NHS: variants seen among roughly 807,000 people sequenced by gnomAD.
The protein encoded by NHS is NHS actin remodeling regulator, also known as actin remodeling regulator NHS.
NHS carries 5 observed loss-of-function variants against 72.5 expected under a neutral mutation model. The ratio of observed to expected loss-of-function variants is 0.07; its 90% confidence interval spans 0.04 to 0.14. The LOEUF is 0.14. Among genes scored for constraint, NHS ranks in the 10% least tolerant of loss-of-function variants. The pLI is 1.00. For synonymous variants in NHS, 464 were observed against 547.7 expected (o/e 0.85, Z 2.13); for missense variants, 1,072 against 1,355.7 (o/e 0.79, Z 3.29).
chrX:17,389,601 A>G (rs181089899), intron 1 of NHS, among the ~76,000 whole-genome samples: 1 of 107,854 alleles, frequency 9.3e-6, no homozygotes, highest in East Asian at 2.9e-4. Flanking sequence ...TTATTTATTT[A>G]TTTATTTATT....
chrX:17,548,295 C>A (rs1023956107), intron 1 of NHS, among the ~76,000 whole-genome samples: 2 of 110,425 alleles, frequency 1.8e-5, no homozygotes, highest in Non-Finnish European at 3.8e-5. Flanking sequence ...ATAGATTTGA[C>A]GAATGAGTTT....
At chrX:17,703,381 G>C (rs1340042237) in intron 3 of NHS, among the ~76,000 whole-genome samples, 1 of 112,299 alleles carries the variant, frequency 8.9e-6, no homozygotes, top group Admixed American at 9.4e-5. Flanking sequence ...ATGAGTCAGA[G>C]AAAGTCCACC....
intron 1 of NHS, among the ~76,000 whole-genome samples, chrX:17,683,005 G>GGCAGCC (rs2066138919): frequency 9.0e-6 from 1 of 111,570 alleles, no homozygotes; most frequent in African/African-American, 3.3e-5. Flanking sequence ...TTTCCTTAAT[G>GGCAGCC]TCTAAGTTAG....
At position 17,665,318 on chromosome X, in the gene NHS, A is replaced by ATTTTTT. The variant is rs34661609; in HGVS notation, c.566-22401_566-22396dup. Among the ~76,000 whole-genome samples, 9 of 54,717 alleles carry ATTTTTT rather than the reference A, an allele frequency of 1.6e-4. 2 individuals are homozygous for ATTTTTT. Among genetic ancestry groups the ATTTTTT allele is most frequent in the African/African-American group, 4.3e-4 (4 of 9,396 alleles). 47.5% of individuals were successfully genotyped at this position (54,717 alleles called of 115,157 possible). A position where few individuals can be genotyped will look rare whatever the true frequency, so the allele number is the denominator to read the frequency against. On this transcript the variant is annotated intron_variant, in intron 1 of 8. Transcript: ENST00000676302. ...TCACCATTAAGTATATTACCTATAG[A>ATTTTTT]TTTTTTTTTTTTTTTTTTTTTTTTT...
chrX:17,636,966 A>G (rs944384092), intron 1 of NHS, among the ~76,000 whole-genome samples: 3 of 112,096 alleles, frequency 2.7e-5, no homozygotes, highest in African/African-American at 6.5e-5. Flanking sequence ...CAGGCCAATT[A>G]TAACAATTAA....
intron 1 of NHS, among the ~76,000 whole-genome samples, chrX:17,663,536 T>C (rs950364909): frequency 8.9e-6 from 1 of 112,291 alleles, no homozygotes; most frequent in Non-Finnish European, 1.9e-5. Context: ...TTTTGAAATT[T>C]ATCCATGCTG....
chrX:17,517,988 G>A lies in NHS; in HGVS notation c.565+141666G>A, dbSNP rs754118413. Among the ~76,000 whole-genome samples the A allele has an allele frequency of 9.0e-5, 10 of 111,299 alleles. No individual in the cohort carries two copies. In the South Asian group the frequency reaches 1.9e-3, roughly 21 times the overall value. On this transcript the variant is annotated intron_variant, in intron 1 of 8. Coordinates refer to ENST00000676302, the MANE Select transcript of NHS (RefSeq NM_001291867.2). The stretch of plus-strand genomic sequence containing the variant: ...TGGGTGATTGTATCAGTCAGGACCA[G>A]CCCAGTAACAAATGACTCCCAAATC...
At chrX:17,416,815 T>TGAGA (rs1314221565) in intron 1 of NHS, among the ~76,000 whole-genome samples, 38 of 104,126 alleles carry the variant, frequency 3.6e-4, no homozygotes, top group African/African-American at 1.3e-3. Flanking sequence ...TGTGTGTGTG[T>TGAGA]GTGTGAGAGA....
intron 1 of NHS, among the ~76,000 whole-genome samples, chrX:17,662,515 A>G (rs1197450155): frequency 8.9e-6 from 1 of 111,960 alleles, no homozygotes; most frequent in African/African-American, 3.3e-5. Context: ...TTAAGGCTAT[A>G]ATTATATTTT....
At chrX:17,632,148 GAGA>G (rs2065824127) in intron 1 of NHS, among the ~76,000 whole-genome samples, 1 of 111,894 alleles carries the variant, frequency 8.9e-6, no homozygotes, top group Non-Finnish European at 1.9e-5. Context: ...AAATTTGAAA[GAGA>G]AGGAGAATGT....
At chrX:17,687,413 C>T (rs939825524) in intron 1 of NHS, 7 of 277,698 alleles carry the variant, frequency 2.5e-5, no homozygotes, top group African/African-American at 8.2e-5. Flanking sequence ...ATCTCCACCC[C>T]CAAGCAGGCT....
At chrX:17,404,825 C>A (rs762470831) in intron 1 of NHS, among the ~76,000 whole-genome samples, 3 of 110,257 alleles carry the variant, frequency 2.7e-5, no homozygotes, top group African/African-American at 9.9e-5. Context: ...CTCTCTCTCT[C>A]TCTCTCCGTG....
chrX:17,621,277 G>A (rs756221830), intron 1 of NHS, among the ~76,000 whole-genome samples: 1 of 112,188 alleles, frequency 8.9e-6, no homozygotes, highest in Non-Finnish European at 1.9e-5. Context: ...GGTTATAGGT[G>A]TCCACCTCTG....
At chrX:17,519,965 A>G (rs1319549847) in intron 1 of NHS, among the ~76,000 whole-genome samples, 1 of 10,179 alleles carries the variant, frequency 9.8e-5, no homozygotes, top group Non-Finnish European at 2.3e-4. Context: ...CCCCACCCCC[A>G]TTTGTGCTTA....
At chrX:17,694,774 GTTATTA>G (rs759811984) in intron 3 of NHS, among the ~76,000 whole-genome samples, 1 of 111,583 alleles carries the variant, frequency 9.0e-6, no homozygotes. Flanking sequence ...AACATCAGAT[GTTATTA>G]TTATTATTAG....
chrX:17,732,089 C>G lies in NHS; in HGVS notation c.4581C>G (p.Arg1527=). ...FKLLLLKKGS[R]SDSSYRMSAT... is the part of the protein sequence containing the mutation. ...TGTTACTGCTCAAGAAAGGCAGTCG[C>G]TCAGATTCTAGTTACCGCATGTCTG... Residue 1527 remains arginine (R), a synonymous_variant, in exon 9 of 9, where the codon CGC becomes CGG. Coordinates refer to ENST00000676302, the MANE Select transcript of NHS (RefSeq NM_001291867.2). 1 of 1,211,794 alleles carries G rather than the reference C, an allele frequency of 8.3e-7. No homozygotes were observed. Among genetic ancestry groups the G allele is most frequent in the Non-Finnish European group, 1.1e-6 (1 of 895,573 alleles).
At chrX:17,542,907 A>C (rs1231292741) in intron 1 of NHS, among the ~76,000 whole-genome samples, 2 of 112,339 alleles carry the variant, frequency 1.8e-5, no homozygotes, top group African/African-American at 6.5e-5. Flanking sequence ...TTTTATGAGG[A>C]GTAAAGGAGA....
chrX:17,627,878 A>T (rs2065805592), intron 1 of NHS, among the ~76,000 whole-genome samples: 1 of 112,409 alleles, frequency 8.9e-6, no homozygotes, highest in Non-Finnish European at 1.9e-5. Context: ...TTACCATTCC[A>T]GGTTGGTCCT....
At chrX:17,486,556 G>T (rs1216429188) in intron 1 of NHS, among the ~76,000 whole-genome samples, 1 of 111,388 alleles carries the variant, frequency 9.0e-6, no homozygotes, top group African/African-American at 3.3e-5. Flanking sequence ...TTCTTCTTAT[G>T]GCAATGGCAG....
Sources: allele counts gnomAD v4.1 joint callset (sites outside exome capture counted in the v4.1 genomes callset), GRCh38; gene constraint gnomAD v4.1.1; transcripts MANE v1.5; gene names NCBI Gene and HGNC (gene_info 2026-07-23, HGNC 2026-07-21).